PCSK6: variants seen among roughly 807,000 people sequenced by gnomAD.
The protein encoded by PCSK6 is paired basic amino acid cleaving enzyme 4.
A neutral mutation model predicts 123.3 loss-of-function variants in PCSK6; 85 were observed. The observed-to-expected ratio is 0.69, with a 90% CI of 0.58 to 0.83. The LOEUF (loss-of-function observed/expected upper bound fraction) is 0.83, where lower values mean the gene tolerates loss of function less well. Ranked by LOEUF, PCSK6 falls within the 40% of genes least tolerant of loss-of-function variation. PCSK6 has a pLI of 0.00. For synonymous variants in PCSK6, 508 were observed against 516.0 expected (o/e 0.98, Z 0.21); for missense variants, 1,191 against 1,282.3 (o/e 0.93, Z 1.09).
intron 8 of PCSK6, among the ~76,000 whole-genome samples, chr15:101,390,520 T>C (rs1542807): frequency 6.6e-6 from 1 of 152,046 alleles, no homozygotes; most frequent in South Asian, 2.1e-4. Context: ...CAAGGCTGTT[T>C]GAGAGAGGAA....
rs376170316 is a variant in PCSK6 at position 101,398,493 on chromosome 15, T to C, written c.907A>G (p.Ser303Gly). The change falls in exon 7 of 22, where the codon AGT (serine) becomes GGT (glycine). Residue 303 changes from serine (S) to glycine (G), a missense_variant. Ser to Gly is a moderately conservative substitution (Grantham distance 56). Around this residue, in one of 3 missense-constraint regions of PCSK6, gnomAD observed 357 missense variants for 484.5 expected, o/e 0.74. Coordinates refer to ENST00000611716, the MANE Select transcript of PCSK6 (RefSeq NM_002570.5). The surrounding 1 kb of genome is among the most constrained non-coding windows in gnomAD (Gnocchi z 4.6). ...TCGTCGTCCGGCCCCCAGCTGGCAC[T>C]GTAAATGTCGATGTAGTTGGGTCTG... ...GIRPNYIDIY[S>G]ASWGPDDDGK... 4 of 1,614,014 alleles carry C rather than the reference T, an allele frequency of 2.5e-6. No homozygotes were observed. The highest frequency in any genetic ancestry group is 3.4e-6 in the Non-Finnish European group (4 of 1,179,866).
chr15:101,457,173 A>G (rs2057208380), intron 1 of PCSK6, among the ~76,000 whole-genome samples: 1 of 152,040 alleles, frequency 6.6e-6, no homozygotes, highest in African/African-American at 2.4e-5. Context: ...TTCCATCTCA[A>G]AAATAAATAA....
intron 1 of PCSK6, among the ~76,000 whole-genome samples, chr15:101,448,342 T>A (rs2056946411): frequency 6.6e-6 from 1 of 151,756 alleles, no homozygotes; most frequent in African/African-American, 2.4e-5. Context: ...GTGAAGAGAG[T>A]TTAATGTAGT....
intron 9 of PCSK6, among the ~76,000 whole-genome samples, chr15:101,385,639 T>C (rs753200622): frequency 6.6e-6 from 1 of 152,248 alleles, no homozygotes; most frequent in Non-Finnish European, 1.5e-5. Flanking sequence ...TTTCATACTA[T>C]CTGTACACAG....
In PCSK6 at chr15:101,382,326, C is replaced by T. The variant is rs1305185389; in HGVS notation, c.1415-117G>A. The T allele has an allele frequency of 1.4e-5, 11 of 774,778 alleles. No individual in the cohort carries two copies. In the Admixed American group the frequency reaches 2.6e-4, roughly 18 times the overall value. 48.0% of individuals were successfully genotyped at this position (774,778 alleles called of 1,614,324 possible). A position where few individuals can be genotyped will look rare whatever the true frequency, so the allele number is the denominator to read the frequency against. On this transcript the variant is annotated intron_variant, in intron 10 of 21. Transcript: ENST00000611716. ...ACAGAGGGACCGTAAGACTCGAGGT[C>T]TCCTGGGGGCCCCAGGCTGCAGGAC...
chr15:101,304,383 G>A lies in PCSK6; in HGVS notation c.*875C>T, dbSNP rs534518526. 1.1e-4 allele frequency: 16 copies of A among 152,336 alleles called. No homozygotes were observed. The highest frequency in any genetic ancestry group is 2.1e-4 in the Non-Finnish European group (14 of 68,042). 9.4% of individuals were successfully genotyped at this position (152,336 alleles called of 1,614,324 possible). ...TATTTTAAAAGCAATTCCATAAAAT[G>A]GGAAGTGATGGATGATTAACAATGC... On this transcript the variant is annotated 3_prime_UTR_variant, in exon 22 of 22. Transcript: ENST00000611716.
At chr15:101,336,309 G>A (rs923119414) in intron 13 of PCSK6, among the ~76,000 whole-genome samples, 27 of 152,240 alleles carry the variant, frequency 1.8e-4, no homozygotes, top group African/African-American at 6.5e-4. Context: ...TGATGGTAAA[G>A]CACTTAGAAT....
At chr15:101,477,251 GTGTGTGTC>G (rs1320837664) in intron 1 of PCSK6, among the ~76,000 whole-genome samples, 5 of 152,112 alleles carry the variant, frequency 3.3e-5, no homozygotes, top group Admixed American at 1.3e-4. Flanking sequence ...GTGCGTGTGT[GTGTGTGTC>G]TGTGTGTCTG....
Position 101,429,925 on chromosome 15 carries a change from A to G in PCSK6, c.734+62T>C, listed in dbSNP as rs538481855. ...GCCTCTCCAGCTCCCTCGCACACAC[A>G]TTCAATAGTGACGCTGCAGGGAGGG... On this transcript the variant is annotated intron_variant, in intron 5 of 21. Transcript: ENST00000611716. The G allele has an allele frequency of 5.1e-6, 7 of 1,380,304 alleles. No individual in the cohort carries two copies. In the South Asian group the frequency reaches 7.0e-5, roughly 14 times the overall value. The allele number at this position is 1,380,304 out of a possible 1,614,324, so 85.5% of individuals were successfully genotyped here.
chr15:101,319,227 C>T (rs2040061703), intron 18 of PCSK6, among the ~76,000 whole-genome samples: 1 of 152,186 alleles, frequency 6.6e-6, no homozygotes, highest in Admixed American at 6.5e-5. Context: ...CAGTGTGAAT[C>T]AATATCACCT....
rs561642674 is a variant in PCSK6, at chr15:101,370,469, C to T, written c.1587G>A (p.Ala529=). The part of the protein sequence containing the change: ...LRTTALTSAC[A]EHSDQRVVYL... ...AGACCACCCGCTGGTCCGAGTGCTC[C>T]GCGCAGGCGCTGGTCAGGGCCGTAG... is the stretch of plus-strand genomic sequence containing the variant. Residue 529 remains alanine (A), a synonymous_variant, in exon 12 of 22, where the codon GCG becomes GCA. Transcript: ENST00000611716. 43 of 1,548,288 alleles carry T rather than the reference C, an allele frequency of 2.8e-5. No homozygotes were observed. The East Asian group carries it at 4.4e-4, about 16-fold the overall frequency.
At chr15:101,344,303 T>C (rs2040684239) in intron 13 of PCSK6, among the ~76,000 whole-genome samples, 2 of 152,234 alleles carry the variant, frequency 1.3e-5, no homozygotes, top group South Asian at 2.1e-4. Context: ...TTGCTCTATA[T>C]GTATTTTAAG....
intron 1 of PCSK6, among the ~76,000 whole-genome samples, chr15:101,484,371 C>G (rs7169021): frequency 0.44 from 66,917 of 151,962 alleles, 15,387 homozygotes; most frequent in East Asian, 0.75. Context: ...TTGCTTTGTG[C>G]TTTGTTTTTG....
At chr15:101,462,416 G>T (rs1041087923) in intron 1 of PCSK6, among the ~76,000 whole-genome samples, 1 of 152,154 alleles carries the variant, frequency 6.6e-6, no homozygotes, top group African/African-American at 2.4e-5. Flanking sequence ...TTGTTTTGTG[G>T]AACTTGTCAA....
chr15:101,475,193 A>G (rs2141247075), intron 1 of PCSK6, among the ~76,000 whole-genome samples: 1 of 152,326 alleles, frequency 6.6e-6, no homozygotes, highest in Non-Finnish European at 1.5e-5. Flanking sequence ...TGTCTATTTT[A>G]GGTGGGGACT....
chr15:101,418,097 A>C (rs2055953802), intron 6 of PCSK6, among the ~76,000 whole-genome samples: 1 of 152,148 alleles, frequency 6.6e-6, no homozygotes, highest in Non-Finnish European at 1.5e-5. Flanking sequence ...AATTTATGTC[A>C]TATATTTGAA....
chr15:101,326,840 A>AC (rs1254456306), intron 15 of PCSK6, among the ~76,000 whole-genome samples: 1 of 152,188 alleles, frequency 6.6e-6, no homozygotes, highest in Non-Finnish European at 1.5e-5. Context: ...ACTCACTTGC[A>AC]CCAGTCATCA....
intron 13 of PCSK6, among the ~76,000 whole-genome samples, chr15:101,356,079 T>C (rs2041031062): frequency 6.6e-6 from 1 of 152,208 alleles, no homozygotes; most frequent in Admixed American, 6.5e-5. Context: ...TCTCAGAGAA[T>C]AGACACTTTC....
chr15:101,420,148 G>A (rs1435247902), intron 6 of PCSK6, among the ~76,000 whole-genome samples: 3 of 144,338 alleles, frequency 2.1e-5, no homozygotes, highest in Admixed American at 1.4e-4. Flanking sequence ...CTGAGATCAT[G>A]CTACTGCACT....
Sources: allele counts gnomAD v4.1 joint callset (sites outside exome capture counted in the v4.1 genomes callset), GRCh38; gene constraint gnomAD v4.1.1; regional missense constraint gnomAD v4.1.1; non-coding constraint Gnocchi (gnomAD v3.1); transcripts MANE v1.5; gene names NCBI Gene and HGNC (gene_info 2026-07-23, HGNC 2026-07-21).